The following IGF2 variants were observed in gnomAD, a reference collection of about 807,000 sequenced individuals.
The protein encoded by IGF2 is insulin-like growth factor 2.
Under a neutral mutation model 12.0 loss-of-function variants are expected in IGF2, and 2 were observed. That is an observed-to-expected ratio of 0.17 (90% confidence interval 0.07 to 0.52). The LOEUF (loss-of-function observed/expected upper bound fraction) is 0.52. Among genes scored for constraint, IGF2 ranks in the 20% least tolerant of loss-of-function variants. IGF2 has a pLI of 0.95. For missense variants in IGF2, 211 were observed against 268.0 expected (o/e 0.79, Z 1.48); for synonymous variants, 105 against 110.1 (o/e 0.95, Z 0.29).
At position 2,130,342 on chromosome 11, in the gene IGF2, T is replaced by A. The variant is rs569080826; in HGVS notation, c.*2645A>T. 13 of 222,058 alleles carry A rather than the reference T, an allele frequency of 5.9e-5. No individual in the cohort carries two copies. The highest frequency in any genetic ancestry group is 2.7e-4 in the African/African-American group (12 of 44,616). 13.8% of individuals were successfully genotyped at this position (222,058 alleles called of 1,614,324 possible). A position where few individuals can be genotyped will look rare whatever the true frequency, so the allele number is the denominator to read the frequency against. ...CGGACAGTGGCCTTCTCCACTCCCC[T>A]CTGACTTCTCCAAGGGGGCTCAGTG... On this transcript the variant is annotated 3_prime_UTR_variant, in exon 4 of 4. Transcript: ENST00000416167.
At chr11:2,149,443 C>T in the IGF2 span, 9 of 1,031,160 alleles carry the variant, frequency 8.7e-6, no homozygotes, top group East Asian at 4.9e-5. Context: ...TGCTCAAATG[C>T]CAACTGAAAT....
At chr11:2,148,176 A>G in the IGF2 span, 1 of 200,176 alleles carries the variant, frequency 5.0e-6, no homozygotes, top group Non-Finnish European at 1.0e-5. This position sits in a 1 kb window ranked among gnomAD's most constrained non-coding sequence, Gnocchi z 4.3. Context: ...GGCACGGAAT[A>G]TGAAAGCCTC....
At position 2,138,708 on chromosome 11, in the gene IGF2, G is replaced by T; in HGVS notation, c.-486C>A. 1 of 701,796 alleles carries T rather than the reference G, an allele frequency of 1.4e-6. No individual in the cohort carries two copies. 43.5% of individuals were successfully genotyped at this position (701,796 alleles called of 1,614,324 possible). On this transcript the variant is annotated 5_prime_UTR_variant, in exon 1 of 4. Coordinates refer to ENST00000416167, the MANE Select transcript of IGF2 (RefSeq NM_000612.6). ...AAGGCGAGAGGGCGGGCGTGAGGGG[G>T]GGAGGGAGTCGGAGGCTAGGAGCTG...
At chr11:2,139,576 C>CGGGGG (rs565127670), upstream of IGF2, among the ~76,000 whole-genome samples, 1 of 96,542 alleles carries the variant, frequency 1.0e-5, no homozygotes, top group African/African-American at 4.5e-5. Context: ...CCTGGGGCCC[C>CGGGGG]GGGGGGGGGG....
At position 2,131,354 on chromosome 11, in the gene IGF2, T is replaced by C. The variant is rs1283368020; in HGVS notation, c.*1633A>G. ...AACATTGGAGAATCTTAGCGGGACT[T>C]TGGCCTGATCCATACAGATATCGTA... On this transcript the variant is annotated 3_prime_UTR_variant, in exon 4 of 4. Transcript: ENST00000416167. 8.6e-6 allele frequency: 2 copies of C among 233,240 alleles called. No homozygotes were observed. Among genetic ancestry groups the C allele is most frequent in the Non-Finnish European group, 1.7e-5 (2 of 118,098 alleles). The allele number at this position is 233,240 out of a possible 1,614,324, so 14.4% of individuals were successfully genotyped here.
At chr11:2,145,763 C>G (rs1859886422), upstream of IGF2, among the ~76,000 whole-genome samples, 1 of 152,122 alleles carries the variant, frequency 6.6e-6, no homozygotes, top group Non-Finnish European at 1.5e-5. Flanking sequence ...GGGCTGCCTG[C>G]TGAGTGCTCT....
Position 2,131,347 on chromosome 11 carries a change from C to T in IGF2, c.*1640G>A, listed in dbSNP as rs117486875. On this transcript the variant is annotated 3_prime_UTR_variant, in exon 4 of 4. Coordinates refer to ENST00000416167, the MANE Select transcript of IGF2 (RefSeq NM_000612.6). ...CCATGAAAACATTGGAGAATCTTAG[C>T]GGGACTTTGGCCTGATCCATACAGA... 4.7e-5 allele frequency: 11 copies of T among 233,314 alleles called. No individual in the cohort carries two copies. Among genetic ancestry groups the T allele is most frequent in the East Asian group, 6.0e-5 (1 of 16,586 alleles). 14.5% of individuals were successfully genotyped at this position (233,314 alleles called of 1,614,324 possible). A position where few individuals can be genotyped will look rare whatever the true frequency, so the allele number is the denominator to read the frequency against.
In IGF2 at chr11:2,138,357, G is replaced by A. The variant is rs970300422; in HGVS notation, c.-135C>T. The A allele has an allele frequency of 4.7e-5, 46 of 972,284 alleles. No homozygotes were observed. The highest frequency in any genetic ancestry group is 5.4e-5 in the Non-Finnish European group (44 of 821,210). The allele number at this position is 972,284 out of a possible 1,614,324, so 60.2% of individuals were successfully genotyped here. A position where few individuals can be genotyped will look rare whatever the true frequency, so the allele number is the denominator to read the frequency against. ...GCCGAGTCGCGGGGGCCGAATGTGC[G>A]ACGGGGCAGAGCGGGGGGATGGCTT... On this transcript the variant is annotated 5_prime_UTR_variant, in exon 1 of 4. Transcript: ENST00000416167.
chr11:2,139,971 G>T (rs1859443299), upstream of IGF2, among the ~76,000 whole-genome samples: 2 of 152,098 alleles, frequency 1.3e-5, no homozygotes, highest in Admixed American at 1.3e-4. Flanking sequence ...GCCAGATCCC[G>T]AGCGCCCCCC....
rs1858504122 is a variant in IGF2, at chr11:2,130,961, C to T, written c.*2026G>A. ...GAGCACACCAGGGAGTCAGGCTACT[C>T]GTGGGGGCATGTCTGCTCAGCTACC... is the stretch of plus-strand genomic sequence containing the variant. On this transcript the variant is annotated 3_prime_UTR_variant, in exon 4 of 4. Coordinates refer to ENST00000416167, the MANE Select transcript of IGF2 (RefSeq NM_000612.6). 1.3e-5 allele frequency: 3 copies of T among 222,728 alleles called. No homozygotes were observed. The highest frequency in any genetic ancestry group is 1.8e-4 in the South Asian group (1 of 5,448). 13.8% of individuals were successfully genotyped at this position (222,728 alleles called of 1,614,324 possible).
At chr11:2,135,559 G>C in intron 1 of IGF2, 30 bp from the exon 2 acceptor site, 1 of 1,597,116 alleles carries the variant, frequency 6.3e-7, no homozygotes, top group Non-Finnish European at 8.6e-7. Context: ...GGCGTGAGCG[G>C]GGCAGCCAGG....
In IGF2 at chr11:2,132,662, G is replaced by A. The variant is rs1034839159; in HGVS notation, c.*325C>T. On this transcript the variant is annotated 3_prime_UTR_variant, in exon 4 of 4. Coordinates refer to ENST00000416167, the MANE Select transcript of IGF2 (RefSeq NM_000612.6). ...TAGTTTTAAGAGGGTTGTTGTGGGG[G>A]GGGGGGAAGGGGGTTAGTTTAATGT... 6 of 211,954 alleles carry A rather than the reference G, an allele frequency of 2.8e-5. No individual in the cohort carries two copies. Among genetic ancestry groups the A allele is most frequent in the African/African-American group, 7.3e-5 (3 of 40,838 alleles). 13.1% of individuals were successfully genotyped at this position (211,954 alleles called of 1,614,324 possible). A position where few individuals can be genotyped will look rare whatever the true frequency, so the allele number is the denominator to read the frequency against.
intron 2 of IGF2, among the ~76,000 whole-genome samples, chr11:2,134,864 G>A (rs1316111227): frequency 3.3e-5 from 5 of 152,214 alleles, no homozygotes; most frequent in Admixed American, 2.0e-4. Flanking sequence ...GGCCCAAGGA[G>A]GCGCATGCAC....
In IGF2 at chr11:2,132,805, G is replaced by A. The variant is rs1265294523; in HGVS notation, c.*182C>T. 2 of 551,260 alleles carry A rather than the reference G, an allele frequency of 3.6e-6. No individual in the cohort carries two copies. Among genetic ancestry groups the A allele is most frequent in the East Asian group, 6.0e-5 (2 of 33,562 alleles). 34.1% of individuals were successfully genotyped at this position (551,260 alleles called of 1,614,324 possible). A position where few individuals can be genotyped will look rare whatever the true frequency, so the allele number is the denominator to read the frequency against. On this transcript the variant is annotated 3_prime_UTR_variant, in exon 4 of 4. Transcript: ENST00000416167. ...AGATGCTGCTGTGCTTCCTCAGCCC[G>A]ATGGAGGGGGCCGAGGAGAGTAGCC...
At position 2,131,474 on chromosome 11, in the gene IGF2, C is replaced by T. The variant is rs1171208084; in HGVS notation, c.*1513G>A. The T allele has an allele frequency of 4.0e-5, 9 of 227,060 alleles. No individual in the cohort carries two copies. The highest frequency in any genetic ancestry group is 1.9e-4 in the South Asian group (1 of 5,370). The allele number at this position is 227,060 out of a possible 1,614,324, so 14.1% of individuals were successfully genotyped here. On this transcript the variant is annotated 3_prime_UTR_variant, in exon 4 of 4. Transcript: ENST00000416167. ...TGCAGGTGGGTGCTTGCGTGTGCAA[C>T]GTGTGTGCTGCGTGTTTGTGTGCTG...
At chr11:2,148,928 A>G in the IGF2 span, 3 of 601,852 alleles carry the variant, frequency 5.0e-6, no homozygotes, top group Non-Finnish European at 8.9e-6. This position sits in a 1 kb window ranked among gnomAD's most constrained non-coding sequence, Gnocchi z 4.3. Context: ...CCCTCTCCAC[A>G]ATGGCCTTTC....
chr11:2,136,577 G>A (rs1352936365), intron 1 of IGF2, among the ~76,000 whole-genome samples: 1 of 152,258 alleles, frequency 6.6e-6, no homozygotes, highest in African/African-American at 2.4e-5. Flanking sequence ...CTCCAGGCGG[G>A]CAGCCCCAGC....
chr11:2,136,692 A>G (rs2133597293), intron 1 of IGF2, among the ~76,000 whole-genome samples: 1 of 152,370 alleles, frequency 6.6e-6, no homozygotes, highest in East Asian at 1.9e-4. Context: ...TCTAAAGACT[A>G]GTGGGCAGCT....
chr11:2,133,547 C>T lies in IGF2; in HGVS notation c.276G>A (p.Arg92=). Residue 92 remains arginine, a synonymous_variant, in exon 3 of 4, where the codon AGG becomes AGA. Transcript: ENST00000416167. This position sits in a 1 kb window ranked among gnomAD's most constrained non-coding sequence, Gnocchi z 8.9. ...GCACGGTCGGAGGGGTCGACACGTC[C>T]CTCTCGGACTTGGCGGGGGTAGCAC... ...TYCATPAKSE[R]DVSTPPTVLP... The T allele has an allele frequency of 6.2e-7, 1 of 1,612,816 alleles. No homozygotes were observed. The highest frequency in any genetic ancestry group is 1.1e-5 in the South Asian group (1 of 91,004).
Sources: gnomAD v4.1 joint callset for allele counts (sites outside exome capture counted in the v4.1 genomes callset) on GRCh38, gnomAD v4.1.1 for gene constraint, Gnocchi (gnomAD v3.1) non-coding constraint, MANE v1.5 for transcripts, NCBI Gene and HGNC (gene_info 2026-07-23, HGNC 2026-07-21) for gene names.